The following MAPK10 variants were observed in gnomAD, a reference collection of about 807,000 sequenced individuals.
The protein encoded by MAPK10 is JNK3 alpha protein kinase.
Under a neutral mutation model 59.3 loss-of-function variants are expected in MAPK10, and 25 were observed. The observed-to-expected ratio is 0.42, with a 90% CI of 0.31 to 0.59. The LOEUF is 0.59. Among genes scored for constraint, MAPK10 ranks in the 20% least tolerant of loss-of-function variants. The pLI is 0.15. For synonymous variants in MAPK10, 190 were observed against 200.5 expected (o/e 0.95, Z 0.44); for missense variants, 351 against 568.9 (o/e 0.62, Z 3.90).
chr4:86,048,995 C>G (rs1179651409), intron 11 of MAPK10, among the ~76,000 whole-genome samples: 1 of 151,904 alleles, frequency 6.6e-6, no homozygotes, highest in East Asian at 1.9e-4. Flanking sequence ...CTAGTAAAAA[C>G]CGCCCCTTCT....
intron 4 of MAPK10, among the ~76,000 whole-genome samples, chr4:86,140,429 G>A (rs1177384537): frequency 2.1e-5 from 3 of 145,354 alleles, no homozygotes; most frequent in South Asian, 2.1e-4. Context: ...AAACTATTGC[G>A]AGGACAAAAA....
At chr4:86,516,947 T>C (rs1250477859) in intron 1 of MAPK10, among the ~76,000 whole-genome samples, 2 of 152,208 alleles carry the variant, frequency 1.3e-5, no homozygotes, top group Non-Finnish European at 2.9e-5. Context: ...TCCAGTACTA[T>C]GCTAAATAGA....
At chr4:86,101,858 G>A (rs1327176311) in intron 7 of MAPK10, 36 bp downstream of exon 7, 1 of 1,608,698 alleles carries the variant, frequency 6.2e-7, no homozygotes, top group African/African-American at 1.3e-5. Context: ...TCCTCTTAAA[G>A]CATTTGAATT....
intron 4 of MAPK10, among the ~76,000 whole-genome samples, chr4:86,128,051 G>T (rs2060356102): frequency 6.6e-6 from 1 of 152,038 alleles, no homozygotes; most frequent in Non-Finnish European, 1.5e-5. Flanking sequence ...AGCACAGGCT[G>T]TCATTAGCTT....
At chr4:86,148,741 A>G (rs958631152) in intron 4 of MAPK10, among the ~76,000 whole-genome samples, 1 of 152,238 alleles carries the variant, frequency 6.6e-6, no homozygotes, top group Non-Finnish European at 1.5e-5. Context: ...TGATCATAAA[A>G]TTATATTGGG....
At chr4:86,457,345 T>C (rs923269360), upstream of MAPK10, among the ~76,000 whole-genome samples, 2 of 152,148 alleles carry the variant, frequency 1.3e-5, no homozygotes, top group Non-Finnish European at 2.9e-5. Context: ...GGCATCCCAA[T>C]TGGTAAAAAG....
chr4:86,412,204 CT>C (rs2149027635), intron 1 of MAPK10, among the ~76,000 whole-genome samples: 1 of 152,292 alleles, frequency 6.6e-6, no homozygotes, highest in South Asian at 2.1e-4. Flanking sequence ...AAATTCTTTC[CT>C]TTAAGAATGT....
intron 3 of MAPK10, chr4:86,164,588 A>C (rs1237826353): frequency 6.6e-6 from 1 of 151,154 alleles, no homozygotes; most frequent in Non-Finnish European, 1.5e-5. Flanking sequence ...AACAGGCAGT[A>C]GATAAGATAT....
At chr4:86,134,700 A>T (rs2061580020) in intron 4 of MAPK10, among the ~76,000 whole-genome samples, 1 of 152,230 alleles carries the variant, frequency 6.6e-6, no homozygotes, top group Non-Finnish European at 1.5e-5. Context: ...GCCGAATAGG[A>T]ACAGCTCCAG....
At chr4:86,076,690 A>G (rs1447018875) in intron 9 of MAPK10, among the ~76,000 whole-genome samples, 1 of 152,222 alleles carries the variant, frequency 6.6e-6, no homozygotes, top group African/African-American at 2.4e-5. Context: ...AATATTTTAT[A>G]TAGAAAATAA....
chr4:86,098,347 A>T, intron 9 of MAPK10, 177 bp downstream of exon 9: 1 of 703,692 alleles, frequency 1.4e-6, no homozygotes, highest in Non-Finnish European at 2.0e-6. Flanking sequence ...AAAAGAAATC[A>T]TTGTGGTAGG....
chr4:86,029,505 A>G (rs1235422596), intron 12 of MAPK10, among the ~76,000 whole-genome samples: 1 of 152,180 alleles, frequency 6.6e-6, no homozygotes, highest in Non-Finnish European at 1.5e-5. Flanking sequence ...ATGAAAATTT[A>G]TTTCTACGTA....
intron 2 of MAPK10, among the ~76,000 whole-genome samples, chr4:86,285,552 C>T (rs185840524): frequency 3.9e-5 from 6 of 152,132 alleles, no homozygotes; most frequent in African/African-American, 1.2e-4. Context: ...TAGTTCTTTA[C>T]GTACAACTCA....
At chr4:86,351,813 G>A (rs544579156) in intron 2 of MAPK10, among the ~76,000 whole-genome samples, 1 of 152,216 alleles carries the variant, frequency 6.6e-6, no homozygotes, top group East Asian at 1.9e-4. Context: ...TATTTGTAAA[G>A]TACTTACTAT....
chr4:86,055,852 G>A (rs772310034), intron 11 of MAPK10, among the ~76,000 whole-genome samples: 5 of 150,048 alleles, frequency 3.3e-5, no homozygotes, highest in Admixed American at 6.6e-5. Flanking sequence ...CCACTTGAGA[G>A]TTGCTATTAA....
intron 1 of MAPK10, among the ~76,000 whole-genome samples, chr4:86,444,179 G>T (rs1337381491): frequency 6.6e-6 from 1 of 152,126 alleles, no homozygotes; most frequent in Non-Finnish European, 1.5e-5. Context: ...AATAATGCCT[G>T]AAGATTTCCC....
chr4:86,422,223 T>A (rs1347321033), intron 1 of MAPK10, among the ~76,000 whole-genome samples: 1 of 152,226 alleles, frequency 6.6e-6, no homozygotes, highest in Non-Finnish European at 1.5e-5. Context: ...TTTACAGCTA[T>A]GTTGCCCCTA....
At chr4:86,285,065 C>G (rs2094948729) in intron 2 of MAPK10, among the ~76,000 whole-genome samples, 1 of 152,040 alleles carries the variant, frequency 6.6e-6, no homozygotes, top group African/African-American at 2.4e-5. Flanking sequence ...ATTTTTGTTC[C>G]TGTTGTGGCT....
At chr4:86,552,475 G>A (rs1239147857) in intron 1 of MAPK10, among the ~76,000 whole-genome samples, 54 of 46,738 alleles carry the variant, frequency 1.2e-3, no homozygotes, top group Middle Eastern at 8.9e-3. Flanking sequence ...GAGGGAGGGA[G>A]GGAGGGAGGG....
Sources: gnomAD v4.1 joint callset for allele counts (sites outside exome capture counted in the v4.1 genomes callset) on GRCh38, gnomAD v4.1.1 for gene constraint, MANE v1.5 for transcripts, NCBI Gene and HGNC (gene_info 2026-07-23, HGNC 2026-07-21) for gene names.